SRSF2: variants seen among roughly 807,000 people sequenced by gnomAD.
The protein encoded by SRSF2 is serine/arginine-rich splicing factor 2.
A neutral mutation model predicts 15.7 loss-of-function variants in SRSF2; 4 were observed. That is an observed-to-expected ratio of 0.26 (90% CI 0.13 to 0.58). SRSF2 has a LOEUF of 0.58. Ranked by LOEUF, SRSF2 falls within the 20% of genes least tolerant of loss-of-function variation. The pLI, the probability that SRSF2 is intolerant of heterozygous loss-of-function variation, is 0.90. For missense variants in SRSF2, 147 were observed against 332.4 expected (o/e 0.44, Z 4.34); for synonymous variants, 192 against 138.9 (o/e 1.38, Z -2.69).
chr17:76,736,739 G>T (rs1013691314), intron 1 of SRSF2, 60 bp downstream of exon 1: 1 of 1,387,696 alleles, frequency 7.2e-7, no homozygotes, highest in South Asian at 1.6e-5. Flanking sequence ...CCTTTGTGAG[G>T]TCGCCCGGGC....
chr17:76,736,783 C>A lies in SRSF2; in HGVS notation c.362+16G>T, dbSNP rs1312005265. 1.3e-6 allele frequency: 2 copies of A among 1,514,788 alleles called. No homozygotes were observed. Among genetic ancestry groups the A allele is most frequent in the Admixed American group, 2.1e-5 (1 of 48,602 alleles). 93.8% of individuals were successfully genotyped at this position (1,514,788 alleles called of 1,614,324 possible). ...CGCCCCGCCCCGCCTCCCGCGGTCCCCTCAGCCCCGTTTACCTGCGGCTCC... is the reference window on the plus strand; with the variant it reads ...CGCCCCGCCCCGCCTCCCGCGGTCCACTCAGCCCCGTTTACCTGCGGCTCC... On this transcript the variant is annotated intron_variant, in intron 1 of 2. Transcript: ENST00000359995.
rs1206857542 is a variant in SRSF2 at position 76,737,302 on chromosome 17, T to TCCGCAGGCTAGCGCA, written c.-157_-143dup. The TCCGCAGGCTAGCGCA allele has an allele frequency of 2.5e-6, 3 of 1,201,098 alleles. No homozygotes were observed. In the East Asian group the frequency reaches 7.8e-5, roughly 31 times the overall value. The allele number at this position is 1,201,098 out of a possible 1,614,324, so 74.4% of individuals were successfully genotyped here. A position where few individuals can be genotyped will look rare whatever the true frequency, so the allele number is the denominator to read the frequency against. On this transcript the variant is annotated 5_prime_UTR_variant, in exon 1 of 3. Coordinates refer to ENST00000359995, the MANE Select transcript of SRSF2 (RefSeq NM_001195427.2). ...TTGCCGCAGAACAGCACGGACGGGC[T>TCCGCAGGCTAGCGCA]CCGCAGGCTAGCGCACCTGAGTAAC...
Position 76,736,854 on chromosome 17 carries a change from G to A in SRSF2, c.307C>T (p.Arg103Trp). 6.2e-7 allele frequency: 1 copy of A among 1,607,222 alleles called. No individual in the cohort carries two copies. The change falls in exon 1 of 3, where the codon CGG becomes TGG. Residue 103 changes from arginine to tryptophan, a missense_variant. Physicochemically the swap from Arg to Trp is moderately radical, Grantham distance 101 (BLOSUM62 -3). Transcript: ENST00000359995. The part of the protein sequence containing the change: ...GRPPDSHHSR[R>W]GPPPRRYGGG... ...CCGTACCTGCGGGGTGGCGGTCCCC[G>A]GCGGCTGTGGTGTGAGTCCGGGGGG... is the stretch of plus-strand genomic sequence containing the variant.
At position 76,736,897 on chromosome 17, in the gene SRSF2, T is replaced by C. The variant is rs1192010021; in HGVS notation, c.264A>G (p.Gln88=). The change falls in exon 1 of 3, where the codon CAA becomes CAG. Residue 88 remains glutamine, a synonymous_variant. Coordinates refer to ENST00000359995, the MANE Select transcript of SRSF2 (RefSeq NM_001195427.2). ...AVLDGRELRV[Q]MARYGRPPDS... is the part of the protein sequence containing the mutation. ...CCGGGGGGCGGCCGTAGCGCGCCAT[T>C]TGCACCCGCAGCTCGCGGCCGTCCA... 3 of 1,612,016 alleles carry C rather than the reference T, an allele frequency of 1.9e-6. No individual in the cohort carries two copies. The highest frequency in any genetic ancestry group is 1.3e-5 in the African/African-American group (1 of 74,800).
chr17:76,736,216 G>C lies in SRSF2; in HGVS notation c.611C>G (p.Ser204Trp), dbSNP rs773606366. The change falls in exon 2 of 3, where the codon TCG (serine) becomes TGG (tryptophan). Residue 204 changes from serine to tryptophan, a missense_variant. Ser to Trp is a radical substitution (Grantham distance 177). Transcript: ENST00000359995. ...PVSKRESKSR[S>W]RSKSPPKSPE... ...AGACTTGGGGGGACTCTTCGATCGCGACCTGGATTTGGATTCCCTCTTGGA... is the reference window on the plus strand; with the variant it reads ...AGACTTGGGGGGACTCTTCGATCGCCACCTGGATTTGGATTCCCTCTTGGA... 6.2e-7 allele frequency: 1 copy of C among 1,614,028 alleles called. No homozygotes were observed. Among genetic ancestry groups the C allele is most frequent in the Non-Finnish European group, 8.5e-7 (1 of 1,179,964 alleles).
intron 1 of SRSF2, 160 bp downstream of exon 1, chr17:76,736,639 C>A: frequency 8.6e-7 from 1 of 1,167,946 alleles, no homozygotes; most frequent in Non-Finnish European, 1.1e-6. Context: ...GGGTCGCAGA[C>A]GGCGGAAGCT....
At chr17:76,736,010 T>A in intron 2 of SRSF2, 144 bp downstream of exon 2, 1 of 792,526 alleles carries the variant, frequency 1.3e-6, no homozygotes, top group Non-Finnish European at 2.0e-6. Context: ...GACCCCTCTC[T>A]TCAGTATTAC....
At chr17:76,736,684 G>A (rs1255314116) in intron 1 of SRSF2, 115 bp downstream of exon 1, 7 of 1,251,044 alleles carry the variant, frequency 5.6e-6, no homozygotes, top group Admixed American at 4.2e-5. Context: ...GACGCGGCGT[G>A]CACCCCCGCC....
chr17:76,737,320 T>A lies in SRSF2; in HGVS notation c.-160A>T. On this transcript the variant is annotated 5_prime_UTR_variant, in exon 1 of 3. Transcript: ENST00000359995. ...GACGGGCTCCGCAGGCTAGCGCACC[T>A]GAGTAACAACTGGGCGGGCAGCCGG... The A allele has an allele frequency of 1.9e-6, 2 of 1,039,946 alleles. No homozygotes were observed. The highest frequency in any genetic ancestry group is 1.3e-6 in the Non-Finnish European group (1 of 747,784). The allele number at this position is 1,039,946 out of a possible 1,614,324, so 64.4% of individuals were successfully genotyped here. A position where few individuals can be genotyped will look rare whatever the true frequency, so the allele number is the denominator to read the frequency against.
rs531282122 is a variant in SRSF2 at position 76,737,234 on chromosome 17, C to T, written c.-74G>A. ...AGCTCTGGGCGGTGCGACGCCGCGC[C>T]TCTCAGGCAGTTGCCTTCCGCGTGG... On this transcript the variant is annotated 5_prime_UTR_variant, in exon 1 of 3. Coordinates refer to ENST00000359995, the MANE Select transcript of SRSF2 (RefSeq NM_001195427.2). The T allele has an allele frequency of 2.6e-5, 38 of 1,460,866 alleles. No homozygotes were observed. In the Middle Eastern group the frequency reaches 5.8e-4, roughly 22 times the overall value. 90.5% of individuals were successfully genotyped at this position (1,460,866 alleles called of 1,614,324 possible).
Position 76,736,420 on chromosome 17 carries a change from G to C in SRSF2, c.407C>G (p.Ser136Cys). The change falls in exon 2 of 3, where the codon TCC (serine) becomes TGC (cysteine). Residue 136 changes from serine (S) to cysteine (C), a missense_variant. Physicochemically the swap from Ser to Cys is moderately radical, Grantham distance 112. Transcript: ENST00000359995. ...RRSRSRSRSR[S>C]RSRSRSRYSR... is the part of the protein sequence containing the mutation. ...GTAGCGAGATCGGCTGCGAGACCTG[G>C]AACGACTCCGACTCCGGGATCGGCT... The C allele has an allele frequency of 6.2e-7, 1 of 1,613,762 alleles. No homozygotes were observed. Among genetic ancestry groups the C allele is most frequent in the Non-Finnish European group, 8.5e-7 (1 of 1,180,004 alleles).
At position 76,735,950 on chromosome 17, in the gene SRSF2, G is replaced by C. The variant is rs2077441776; in HGVS notation, c.*7+204C>G. 3 of 623,314 alleles carry C rather than the reference G, an allele frequency of 4.8e-6. No individual in the cohort carries two copies. In the Admixed American group the frequency reaches 8.4e-5, roughly 17 times the overall value. The allele number at this position is 623,314 out of a possible 1,614,324, so 38.6% of individuals were successfully genotyped here. A position where few individuals can be genotyped will look rare whatever the true frequency, so the allele number is the denominator to read the frequency against. On this transcript the variant is annotated intron_variant, in intron 2 of 2. Coordinates refer to ENST00000359995, the MANE Select transcript of SRSF2 (RefSeq NM_001195427.2). Reference sequence around the variant, plus strand: ...CATTTTCATTAATAGGTCTCAAACAGTTTACGAAACAGCCATTATTATCTA... The same window carrying C: ...CATTTTCATTAATAGGTCTCAAACACTTTACGAAACAGCCATTATTATCTA...
chr17:76,735,631 T>C (rs1568021297), intron 2 of SRSF2: 2 of 250,352 alleles, frequency 8.0e-6, no homozygotes, highest in Non-Finnish European at 1.6e-5. Flanking sequence ...TAACTTTCTT[T>C]TGGGGTTCCA....
rs1038925210 is a variant in SRSF2, at chr17:76,737,290, G to A, written c.-130C>T. 2.3e-6 allele frequency: 3 copies of A among 1,277,580 alleles called. No homozygotes were observed. Among genetic ancestry groups the A allele is most frequent in the East Asian group, 2.6e-5 (1 of 38,830 alleles). 79.1% of individuals were successfully genotyped at this position (1,277,580 alleles called of 1,614,324 possible). ...CTGGGAAAGGCCTTGCCGCAGAACA[G>A]CACGGACGGGCTCCGCAGGCTAGCG... On this transcript the variant is annotated 5_prime_UTR_variant, in exon 1 of 3. Coordinates refer to ENST00000359995, the MANE Select transcript of SRSF2 (RefSeq NM_001195427.2).
chr17:76,737,351 G>T, upstream of SRSF2: 7 of 713,110 alleles, frequency 9.8e-6, no homozygotes, highest in Non-Finnish European at 1.5e-5. Flanking sequence ...GCCGGCCTCT[G>T]CGCCCGTTTA....
At position 76,737,283 on chromosome 17, in the gene SRSF2, C is replaced by T. The variant is rs9902379; in HGVS notation, c.-123G>A. 0.012 allele frequency: 15,957 copies of T among 1,331,304 alleles called. 1,099 individuals carry two copies. The African/African-American group carries it at 0.17, about 15-fold the overall frequency. The allele number at this position is 1,331,304 out of a possible 1,614,324, so 82.5% of individuals were successfully genotyped here. A position where few individuals can be genotyped will look rare whatever the true frequency, so the allele number is the denominator to read the frequency against. ...GGGGACACTGGGAAAGGCCTTGCCG[C>T]AGAACAGCACGGACGGGCTCCGCAG... is the stretch of plus-strand genomic sequence containing the variant. On this transcript the variant is annotated 5_prime_UTR_variant, in exon 1 of 3. Transcript: ENST00000359995.
intron 1 of SRSF2, 74 bp downstream of exon 1, chr17:76,736,725 C>T: frequency 7.3e-7 from 1 of 1,365,692 alleles, no homozygotes. Flanking sequence ...TGCTTCGCCG[C>T]GGACCTTTGT....
In SRSF2 at chr17:76,734,250, C is replaced by T. The variant is rs2077373927; in HGVS notation, c.*916G>A. ...AAGTTACAACCATTTGCTTCCTTAA[C>T]ATTTTCCATGTTAAGTTCATACATG... On this transcript the variant is annotated 3_prime_UTR_variant, in exon 3 of 3. Coordinates refer to ENST00000359995, the MANE Select transcript of SRSF2 (RefSeq NM_001195427.2). 4.5e-6 allele frequency: 1 copy of T among 224,624 alleles called. No homozygotes were observed. Among genetic ancestry groups the T allele is most frequent in the Non-Finnish European group, 8.9e-6 (1 of 112,186 alleles). The allele number at this position is 224,624 out of a possible 1,614,324, so 13.9% of individuals were successfully genotyped here.
chr17:76,735,434 AAC>A (rs2143907122), intron 2 of SRSF2: 1 of 220,560 alleles, frequency 4.5e-6, no homozygotes, highest in East Asian at 6.7e-5. Context: ...TCCAAACAAA[AAC>A]AACTCGAGAT....
Sources: allele counts gnomAD v4.1 joint callset, GRCh38; gene constraint gnomAD v4.1.1; transcripts MANE v1.5; gene names NCBI Gene and HGNC (gene_info 2026-07-23, HGNC 2026-07-21).